The following ZNF618 variants were observed in gnomAD, a reference collection of about 807,000 sequenced individuals.
ZNF618 encodes zinc finger protein 618, also known as neural precursor cell expressed, developmentally down-regulated 10.
Under a neutral mutation model 103.0 loss-of-function variants are expected in ZNF618, and 34 were observed. The observed-to-expected ratio is 0.33, with a 90% CI of 0.25 to 0.44. The LOEUF (loss-of-function observed/expected upper bound fraction) is 0.44, where lower values mean the gene tolerates loss of function less well. Ranked by LOEUF, ZNF618 falls within the 20% of genes least tolerant of loss-of-function variation. ZNF618 has a pLI of 1.00. For missense variants in ZNF618, 1,059 were observed against 1,295.4 expected (o/e 0.82, Z 2.80); for synonymous variants, 551 against 542.2 (o/e 1.02, Z -0.23).
chr9:114,002,192 T>G, intron 5 of ZNF618, 119 bp downstream of exon 5: 1 of 881,788 alleles, frequency 1.1e-6, no homozygotes, highest in South Asian at 1.3e-5. Flanking sequence ...CCTTTCCCAT[T>G]CTCCTCCTAC....
chr9:113,921,769 C>T (rs946437753), intron 1 of ZNF618, among the ~76,000 whole-genome samples: 1 of 152,188 alleles, frequency 6.6e-6, no homozygotes, highest in African/African-American at 2.4e-5. Context: ...TTTGACTACT[C>T]CTTACATAAA....
intron 1 of ZNF618, among the ~76,000 whole-genome samples, chr9:113,890,745 AT>A (rs1290921857): frequency 6.6e-6 from 1 of 152,150 alleles, no homozygotes; most frequent in Non-Finnish European, 1.5e-5. Context: ...GTGAGTGCCC[AT>A]TTTACACATC....
intron 1 of ZNF618, among the ~76,000 whole-genome samples, chr9:113,928,526 A>T (rs1196020408): frequency 2.0e-5 from 3 of 152,192 alleles, no homozygotes; most frequent in Non-Finnish European, 4.4e-5. Flanking sequence ...ATAGAAACAG[A>T]GGTCATGAGG....
intron 1 of ZNF618, among the ~76,000 whole-genome samples, chr9:113,907,099 A>G (rs10123606): frequency 0.44 from 67,391 of 152,168 alleles, 15,514 homozygotes; most frequent in Non-Finnish European, 0.51. Flanking sequence ...CATTGGCCCA[A>G]TGAGGGCCAT....
intron 1 of ZNF618, among the ~76,000 whole-genome samples, chr9:113,924,648 A>G (rs1413628463): frequency 2.0e-5 from 3 of 151,590 alleles, no homozygotes; most frequent in South Asian, 2.1e-4. Flanking sequence ...TATTGATTTT[A>G]TATTGCATTC....
intron 2 of ZNF618, among the ~76,000 whole-genome samples, chr9:113,970,934 C>T (rs1005882665): frequency 2.8e-5 from 4 of 143,582 alleles, no homozygotes; most frequent in East Asian, 2.0e-4. Flanking sequence ...GCTCTCAGTA[C>T]GTGTTTATGG....
chr9:114,009,372 T>G (rs1289933751), intron 9 of ZNF618, among the ~76,000 whole-genome samples: 1 of 152,136 alleles, frequency 6.6e-6, no homozygotes, highest in African/African-American at 2.4e-5. Flanking sequence ...TACAGAGCCT[T>G]GAATGCCAGC....
chr9:113,947,948 G>GCCAT (rs1305392551), intron 1 of ZNF618, among the ~76,000 whole-genome samples: 2 of 152,150 alleles, frequency 1.3e-5, no homozygotes, highest in African/African-American at 4.8e-5. Context: ...GGAGGTCCAG[G>GCCAT]CCATCCCTTT....
intron 1 of ZNF618, among the ~76,000 whole-genome samples, chr9:113,891,331 G>T (rs1164092356): frequency 6.6e-6 from 1 of 152,120 alleles, no homozygotes; most frequent in Non-Finnish European, 1.5e-5. Flanking sequence ...TAAAAAATGG[G>T]CGAAGAAGTT....
intron 10 of ZNF618, among the ~76,000 whole-genome samples, chr9:114,024,729 C>A (rs1260210578): frequency 6.6e-6 from 1 of 151,848 alleles, no homozygotes; most frequent in Non-Finnish European, 1.5e-5. Flanking sequence ...CTACACAGCC[C>A]CCCCACCCCC....
chr9:114,011,699 C>T (rs1842261454), intron 9 of ZNF618, among the ~76,000 whole-genome samples: 1 of 152,230 alleles, frequency 6.6e-6, no homozygotes, highest in African/African-American at 2.4e-5. Flanking sequence ...GAAGAAGAAA[C>T]ACCCTGGCAG....
chr9:113,903,726 T>C (rs975805478), intron 1 of ZNF618, among the ~76,000 whole-genome samples: 1 of 152,124 alleles, frequency 6.6e-6, no homozygotes, highest in Non-Finnish European at 1.5e-5. Flanking sequence ...TGTTTGTTTC[T>C]TTCTTTCTTT....
rs545850118 is a variant in ZNF618, at chr9:114,028,862, C to T, written c.974C>T (p.Pro325Leu). The T allele has an allele frequency of 1.9e-5, 30 of 1,550,616 alleles. No individual in the cohort carries two copies. The highest frequency in any genetic ancestry group is 3.3e-4 in the Middle Eastern group (2 of 5,992). Residue 325 changes from proline to leucine, a missense_variant, in exon 11 of 15, where the codon CCG becomes CTG. Transcript: ENST00000374126. ...ACGAACCAGTCGGGGAAAAAAGCTC[C>T]GGCCTCCGTGGTCCGATGTGCCACC... ...TQTNQSGKKA[P>L]ASVVRCATLL...
chr9:113,990,491 G>A (rs11791155), intron 3 of ZNF618, among the ~76,000 whole-genome samples: 36,856 of 152,106 alleles, frequency 0.24, 5,856 homozygotes, highest in East Asian at 0.61. Context: ...AAAGGTACAA[G>A]ATATCTTAGT....
chr9:113,942,641 A>G (rs749017736), intron 1 of ZNF618, among the ~76,000 whole-genome samples: 10 of 152,092 alleles, frequency 6.6e-5, no homozygotes, highest in Non-Finnish European at 1.3e-4. Flanking sequence ...TCAGTGCTTC[A>G]TTTTTCCTAC....
rs138815219 is a variant in ZNF618, at chr9:113,885,936, A to G, written c.33+9523A>G. Among the ~76,000 whole-genome samples the G allele has an allele frequency of 2.4e-4, 36 of 152,344 alleles. No homozygotes were observed. The East Asian group carries it at 6.9e-3, about 29-fold the overall frequency. ...TAAGCTAAAGCGAATAAATGGAGTC[A>G]GGTGATGCTTGGCCCCCCAGTCTGC... On this transcript the variant is annotated intron_variant, in intron 1 of 14. Coordinates refer to ENST00000374126, the MANE Select transcript of ZNF618 (RefSeq NM_001318042.2).
intron 1 of ZNF618, among the ~76,000 whole-genome samples, chr9:113,912,500 G>C (rs1831643183): frequency 6.6e-6 from 1 of 152,288 alleles, no homozygotes; most frequent in Non-Finnish European, 1.5e-5. Context: ...GGATGCAAGG[G>C]GTTAAGCAGG....
Position 114,049,675 on chromosome 9 carries a change from G to T in ZNF618, c.2373G>T (p.Ala791=). The T allele has an allele frequency of 1.2e-6, 2 of 1,613,800 alleles. No individual in the cohort carries two copies. Among genetic ancestry groups the T allele is most frequent in the Non-Finnish European group, 1.7e-6 (2 of 1,179,902 alleles). The change falls in exon 15 of 15, where the codon GCG becomes GCT. Residue 791 remains alanine (A), a synonymous_variant. Transcript: ENST00000374126. The part of the protein sequence containing the change: ...VSKLCHLFLE[A]LKENFKVHPA... ...AGCTCTGCCACCTCTTCCTGGAGGC[G>T]CTCAAGGAGAACTTCAAGGTGCACC...
At chr9:113,925,606 T>C (rs998691637) in intron 1 of ZNF618, among the ~76,000 whole-genome samples, 1 of 152,094 alleles carries the variant, frequency 6.6e-6, no homozygotes, top group Admixed American at 6.6e-5. Flanking sequence ...TTCCATTCTT[T>C]TTCTCCCTTC....
Sources: allele counts gnomAD v4.1 joint callset (sites outside exome capture counted in the v4.1 genomes callset), GRCh38; gene constraint gnomAD v4.1.1; transcripts MANE v1.5; gene names NCBI Gene and HGNC (gene_info 2026-07-23, HGNC 2026-07-21).